Variants in ATXN2L observed in about 807,000 individuals in gnomAD.
ATXN2L encodes the protein ataxin 2 like, also known as ataxin-2-like protein.
A neutral mutation model predicts 120.7 loss-of-function variants in ATXN2L; 24 were observed. The ratio of observed to expected loss-of-function variants is 0.20; its 90% CI spans 0.14 to 0.28. ATXN2L has a LOEUF of 0.28. ATXN2L is among the 10% of genes least tolerant of loss of function. ATXN2L has a pLI of 1.00. For missense variants in ATXN2L, 1,312 were observed against 1,432.3 expected, an observed-to-expected ratio of 0.92 and a Z score of 1.36; for synonymous variants, 653 against 568.1, an observed-to-expected ratio of 1.15 and a Z score of -2.13.
rs142904892 is a variant in ATXN2L, at chr16:28,830,630, C to T, written c.1050C>T (p.Ile350=). 6.1e-5 allele frequency: 98 copies of T among 1,596,234 alleles called. No homozygotes were observed. The African/African-American group carries it at 1.1e-3, about 18-fold the overall frequency. Residue 350 remains isoleucine, a synonymous_variant, in exon 9 of 22, where the codon ATC becomes ATT. Transcript: ENST00000336783. ...PSLASREGKY[I]PLPQRVREGP... is the part of the protein sequence containing the mutation. ...CTTTCCTCAGGGAGGGGAAGTATAT[C>T]CCTCTGCCTCAACGAGTCCGGGAAG...
chr16:28,826,567 TA>T (rs1377788078), intron 5 of ATXN2L, 177 bp downstream of exon 5: 20 of 690,398 alleles, frequency 2.9e-5, no homozygotes, highest in Non-Finnish European at 4.2e-5. Context: ...TTCTTAAAAA[TA>T]TGTCTTGATG....
chr16:28,824,527 T>A, intron 1 of ATXN2L: 2 of 1,287,918 alleles, frequency 1.6e-6, no homozygotes, highest in Non-Finnish European at 2.0e-6. Context: ...ACCTGGCGAT[T>A]GGTGATCCCC....
At position 28,836,382 on chromosome 16, in the gene ATXN2L, G is replaced by A. The variant is rs759159590; in HGVS notation, c.*117G>A. The A allele has an allele frequency of 1.9e-6, 3 of 1,613,380 alleles. No individual in the cohort carries two copies. Among genetic ancestry groups the A allele is most frequent in the Middle Eastern group, 1.6e-4 (1 of 6,082 alleles). ...CCGCCAGGGGCTTGCTCCTGGCTCT[G>A]TCCTTTGCTTCCCTCCGTCCTCGCT... On this transcript the variant is annotated 3_prime_UTR_variant, in exon 22 of 22. Transcript: ENST00000336783.
At chr16:28,826,778 C>G in intron 5 of ATXN2L, 84 bp from the exon 6 acceptor site, 10 of 1,445,454 alleles carry the variant, frequency 6.9e-6, no homozygotes, top group Non-Finnish European at 9.2e-6. Flanking sequence ...TCCTGAACTA[C>G]TTACGGAGAG....
rs772506074 is a variant in ATXN2L, at chr16:28,833,434, C to T, written c.1956-5C>T. ...CGTGAAGATTTACTGTACTTTCTCT[C>T]ACAGACAAGTAAAGAAATCAACGTT... On this transcript the variant is annotated splice_polypyrimidine_tract_variant and splice_region_variant and intron_variant, in intron 14 of 21. Transcript: ENST00000336783. 1.2e-6 allele frequency: 2 copies of T among 1,614,022 alleles called. No individual in the cohort carries two copies. Among genetic ancestry groups the T allele is most frequent in the South Asian group, 1.1e-5 (1 of 91,078 alleles).
chr16:28,825,216 CAA>C (rs1052282777), intron 1 of ATXN2L, 148 bp from the exon 2 acceptor site: 2 of 783,032 alleles, frequency 2.6e-6, no homozygotes, highest in African/African-American at 3.5e-5. Flanking sequence ...GACCCTGTCT[CAA>C]AAAAAATAGA....
chr16:28,833,423 G>C lies in ATXN2L; in HGVS notation c.1956-16G>C, dbSNP rs749782853. 1.2e-6 allele frequency: 2 copies of C among 1,614,126 alleles called. No individual in the cohort carries two copies. The highest frequency in any genetic ancestry group is 2.2e-5 in the East Asian group (1 of 44,880). ...TGAGAGCAAGCCGTGAAGATTTACT[G>C]TACTTTCTCTCACAGACAAGTAAAG... On this transcript the variant is annotated splice_polypyrimidine_tract_variant and intron_variant, in intron 14 of 21. Coordinates refer to ENST00000336783, the MANE Select transcript of ATXN2L (RefSeq NM_007245.4).
chr16:28,830,169 A>T (rs1308654584), intron 8 of ATXN2L, 111 bp downstream of exon 8: 1 of 1,129,810 alleles, frequency 8.9e-7, no homozygotes, highest in African/African-American at 1.6e-5. Flanking sequence ...GTAAAATGTC[A>T]TACACAGGTT....
intron 5 of ATXN2L, 138 bp downstream of exon 5, chr16:28,826,528 T>C (rs2052064613): frequency 3.0e-6 from 3 of 996,416 alleles, no homozygotes; most frequent in Non-Finnish European, 4.4e-6. Context: ...AATGCCTTTT[T>C]TTTCCTGAGC....
intron 12 of ATXN2L, 109 bp from the exon 13 acceptor site, chr16:28,832,708 G>A: frequency 1.4e-6 from 2 of 1,416,812 alleles, no homozygotes; most frequent in Non-Finnish European, 2.0e-6. Flanking sequence ...TGATCCTCAA[G>A]AGTTTCTCTT....
rs2055278808 is a variant in ATXN2L at position 28,833,442 on chromosome 16, A to T, written c.1959A>T (p.Gln653His). 1 of 1,614,102 alleles carries T rather than the reference A, an allele frequency of 6.2e-7. No individual in the cohort carries two copies. Among genetic ancestry groups the T allele is most frequent in the African/African-American group, 1.3e-5 (1 of 74,932 alleles). ...TTTACTGTACTTTCTCTCACAGACA[A>T]GTAAAGAAATCAACGTTGAACCCTA... Reference protein sequence around the residue: ...EDKDEGPVAEQVKKSTLNPNA... With the variant: ...EDKDEGPVAEHVKKSTLNPNA... The change falls in exon 15 of 22, where the codon CAA (glutamine) becomes CAT (histidine). Residue 653 changes from glutamine to histidine, a missense_variant. Gln to His is a conservative substitution (Grantham distance 24, BLOSUM62 0). Transcript: ENST00000336783.
At position 28,836,071 on chromosome 16, in the gene ATXN2L, G is replaced by A. The variant is rs756547898; in HGVS notation, c.3034G>A (p.Ala1012Thr). ...CGCGGTGCCCCAGAGTGGGGTGCCT[G>A]CACTCTCAGCTTCCACACCCTCACC... ...QGAVPQSGVP[A>T]LSASTPSPYP... is the part of the protein sequence containing the mutation. Residue 1012 changes from alanine (A) to threonine (T), a missense_variant, in exon 22 of 22, where the codon GCA (alanine) becomes ACA (threonine). Transcript: ENST00000336783. 2 of 1,611,032 alleles carry A rather than the reference G, an allele frequency of 1.2e-6. No homozygotes were observed. The highest frequency in any genetic ancestry group is 1.1e-5 in the South Asian group (1 of 91,014).
Position 28,834,226 on chromosome 16 carries a change from T to C in ATXN2L, c.2172+15T>C. The C allele has an allele frequency of 6.2e-7, 1 of 1,612,220 alleles. No homozygotes were observed. On this transcript the variant is annotated intron_variant, in intron 16 of 21. Coordinates refer to ENST00000336783, the MANE Select transcript of ATXN2L (RefSeq NM_007245.4). ...CAGCTGTGCAGGTATGCAGAGAGAC[T>C]GGCCGGGCCCAGGGTTAGCGGGGTG... is the stretch of plus-strand genomic sequence containing the variant.
chr16:28,835,447 G>A (rs1278847904), intron 20 of ATXN2L, 48 bp downstream of exon 20: 21 of 1,611,438 alleles, frequency 1.3e-5, no homozygotes, highest in Admixed American at 1.7e-5. Context: ...GGAATGGGTG[G>A]CCAGAAGAAG....
At chr16:28,825,016 C>T (rs986309639) in intron 1 of ATXN2L, among the ~76,000 whole-genome samples, 4 of 151,428 alleles carry the variant, frequency 2.6e-5, no homozygotes, top group African/African-American at 7.3e-5. Flanking sequence ...TCGATACCAG[C>T]CTGGGCAACA....
chr16:28,833,565 C>T, intron 15 of ATXN2L, 57 bp downstream of exon 15: 2 of 1,535,650 alleles, frequency 1.3e-6, no homozygotes, highest in Non-Finnish European at 1.8e-6. Flanking sequence ...TTGGGCAGTG[C>T]TTATAGATGA....
intron 12 of ATXN2L, 66 bp downstream of exon 12, chr16:28,832,633 G>A: frequency 1.9e-6 from 3 of 1,558,174 alleles, no homozygotes; most frequent in Middle Eastern, 1.7e-4. Flanking sequence ...ATTTCAGTTA[G>A]GAAGTTTGTT....
rs1198892294 is a variant in ATXN2L at position 28,832,864 on chromosome 16, A to C, written c.1636A>C (p.Arg546=). The change falls in exon 13 of 22, where the codon AGA becomes CGA. Residue 546 remains arginine, a synonymous_variant. Transcript: ENST00000336783. The part of the protein sequence containing the change: ...EQKRFQLEEL[R]KFGAQFKLQP... ...GAAACGATTCCAACTGGAAGAACTG[A>C]GAAAGTTTGGGGCCCAGTTTAAGGT... The C allele has an allele frequency of 4.3e-6, 7 of 1,614,170 alleles. No individual in the cohort carries two copies. Among genetic ancestry groups the C allele is most frequent in the South Asian group, 3.3e-5 (3 of 91,082 alleles).
chr16:28,829,230 T>G (rs2053466209), intron 6 of ATXN2L, among the ~76,000 whole-genome samples, 171 bp from the exon 7 acceptor site: 1 of 152,152 alleles, frequency 6.6e-6, no homozygotes. Context: ...CTTAAACTCC[T>G]GGCCTCAGGA....
Sources: gnomAD v4.1 joint callset for allele counts (sites outside exome capture counted in the v4.1 genomes callset) on GRCh38, gnomAD v4.1.1 for gene constraint, MANE v1.5 for transcripts, NCBI Gene and HGNC (gene_info 2026-07-23, HGNC 2026-07-21) for gene names.